Variants in EIF4E observed in about 807,000 individuals in gnomAD.
The protein encoded by EIF4E is eIF-4F 25 kDa subunit.
For synonymous variants in EIF4E, 71 were observed against 88.5 expected (o/e 0.80, Z 1.11); for missense variants, 113 against 265.6 (o/e 0.43, Z 3.99).
chr4:98,910,734 C>CTT (rs201056576), intron 1 of EIF4E, among the ~76,000 whole-genome samples: 15 of 145,122 alleles, frequency 1.0e-4, no homozygotes, highest in East Asian at 2.0e-4. Flanking sequence ...TGGATGGATT[C>CTT]TTTTTTTTTT....
intron 1 of EIF4E, among the ~76,000 whole-genome samples, chr4:98,923,338 T>C (rs963727905): frequency 5.3e-5 from 8 of 151,162 alleles, no homozygotes; most frequent in South Asian, 2.1e-4. Flanking sequence ...TTTGGTGAGA[T>C]AGGGTCTCTT....
chr4:98,898,377 G>C (rs1403369391), intron 2 of EIF4E, among the ~76,000 whole-genome samples: 4 of 152,116 alleles, frequency 2.6e-5, no homozygotes, highest in African/African-American at 9.7e-5. Context: ...GCGAGGCCGA[G>C]GTGGGTGGAT....
At chr4:98,898,400 A>G (rs1379836062) in intron 2 of EIF4E, among the ~76,000 whole-genome samples, 3 of 152,068 alleles carry the variant, frequency 2.0e-5, no homozygotes, top group Non-Finnish European at 4.4e-5. Context: ...TGAGGTCAGG[A>G]GTTCAAGATC....
In EIF4E at chr4:98,889,057, G is replaced by A. The variant is rs183347340; in HGVS notation, c.222-1105C>T. On this transcript the variant is annotated intron_variant, in intron 3 of 6. Coordinates refer to ENST00000450253, the MANE Select transcript of EIF4E (RefSeq NM_001968.5). Reference sequence around the variant, plus strand: ...GCCTGTAATCCCAGCTACTAGGGAGGCTGAGGCAGGAAAATCGCTTGAACC... The same window carrying A: ...GCCTGTAATCCCAGCTACTAGGGAGACTGAGGCAGGAAAATCGCTTGAACC... Among the ~76,000 whole-genome samples the A allele has an allele frequency of 2.1e-3, 326 of 152,056 alleles. 3 individuals carry two copies. Among genetic ancestry groups the A allele is most frequent in the African/African-American group, 7.2e-3 (298 of 41,464 alleles).
intron 1 of EIF4E, among the ~76,000 whole-genome samples, chr4:98,913,359 G>C (rs1725235907): frequency 6.6e-6 from 1 of 151,942 alleles, no homozygotes; most frequent in African/African-American, 2.4e-5. Context: ...TCAGAGGAGG[G>C]TATCACTATT....
chr4:98,881,195 CA>C, intron 6 of EIF4E, 53 bp from the exon 7 acceptor site: 1 of 1,580,124 alleles, frequency 6.3e-7, no homozygotes, highest in Non-Finnish European at 8.6e-7. Flanking sequence ...CTTTTACTCA[CA>C]AGAAATACAT....
At chr4:98,916,453 G>C (rs759726877) in intron 1 of EIF4E, among the ~76,000 whole-genome samples, 2 of 152,052 alleles carry the variant, frequency 1.3e-5, no homozygotes, top group African/African-American at 4.8e-5. Context: ...AGAGAAAAAA[G>C]AGGAGAATTA....
intron 6 of EIF4E, among the ~76,000 whole-genome samples, chr4:98,883,035 C>T (rs1441865049): frequency 1.3e-5 from 2 of 152,112 alleles, no homozygotes; most frequent in Non-Finnish European, 1.5e-5. Flanking sequence ...CCTGAAATCC[C>T]AGCACTTTGG....
chr4:98,916,236 T>C (rs1725375865), intron 1 of EIF4E, among the ~76,000 whole-genome samples: 1 of 144,386 alleles, frequency 6.9e-6, no homozygotes, highest in Admixed American at 7.2e-5. Context: ...GTTAAGATTT[T>C]GCATGTATAT....
chr4:98,919,926 A>T (rs1725573701), intron 1 of EIF4E, among the ~76,000 whole-genome samples: 1 of 152,308 alleles, frequency 6.6e-6, no homozygotes, highest in African/African-American at 2.4e-5. Context: ...GTTAATTATT[A>T]ATATTAAATA....
chr4:98,920,120 G>C (rs529064404), intron 1 of EIF4E, among the ~76,000 whole-genome samples: 9 of 152,196 alleles, frequency 5.9e-5, no homozygotes, highest in African/African-American at 2.2e-4. Context: ...ATTTGGAAAG[G>C]GGAATGAGGT....
intron 2 of EIF4E, among the ~76,000 whole-genome samples, chr4:98,899,510 T>C (rs879524555): frequency 6.6e-6 from 1 of 150,474 alleles, no homozygotes; most frequent in Non-Finnish European, 1.5e-5. Context: ...TGGCAGTATC[T>C]GCGCAAAGGT....
At chr4:98,899,971 G>T (rs1724578160) in intron 2 of EIF4E, among the ~76,000 whole-genome samples, 1 of 151,524 alleles carries the variant, frequency 6.6e-6, no homozygotes. Flanking sequence ...AGTCCCCAGA[G>T]ACTTCATTTT....
At chr4:98,882,445 A>G (rs1723739549) in intron 6 of EIF4E, among the ~76,000 whole-genome samples, 1 of 151,630 alleles carries the variant, frequency 6.6e-6, no homozygotes, top group Non-Finnish European at 1.5e-5. Context: ...AAAAATAGTA[A>G]AAATTCAAAA....
At chr4:98,916,020 G>A (rs184516399) in intron 1 of EIF4E, among the ~76,000 whole-genome samples, 3,429 of 150,806 alleles carry the variant, frequency 0.023, 52 homozygotes, top group African/African-American at 0.032. Context: ...GTGAAAACTC[G>A]TCTCTACTAA....
chr4:98,886,831 C>T (rs1238320046), intron 5 of EIF4E: 4 of 464,610 alleles, frequency 8.6e-6, no homozygotes, highest in African/African-American at 7.9e-5. Flanking sequence ...ATGAAATGAC[C>T]ACAGTGAGCT....
intron 5 of EIF4E, chr4:98,886,336 T>C (rs2110178761): frequency 3.5e-6 from 1 of 288,518 alleles, no homozygotes. Context: ...ATTTGTCTTG[T>C]AAAGCCAGAA....
chr4:98,919,750 G>C (rs1725567017), intron 1 of EIF4E, among the ~76,000 whole-genome samples: 1 of 151,632 alleles, frequency 6.6e-6, no homozygotes, highest in Non-Finnish European at 1.5e-5. Flanking sequence ...GTAGAGATGG[G>C]GTTTCACCAT....
At chr4:98,899,695 G>A (rs904194003) in intron 2 of EIF4E, among the ~76,000 whole-genome samples, 5 of 152,014 alleles carry the variant, frequency 3.3e-5, no homozygotes, top group African/African-American at 7.2e-5. Flanking sequence ...AATGCAAGAC[G>A]GTGGTTTAAA....
Sources: allele counts gnomAD v4.1 joint callset (sites outside exome capture counted in the v4.1 genomes callset), GRCh38; gene constraint gnomAD v4.1.1; transcripts MANE v1.5; gene names NCBI Gene and HGNC (gene_info 2026-07-23, HGNC 2026-07-21).